Variants in KLF13 observed in about 807,000 individuals in gnomAD.
The protein encoded by KLF13 is Krueppel-like factor 13.
A neutral mutation model predicts 16.7 loss-of-function variants in KLF13; 8 were observed. The ratio of observed to expected loss-of-function variants is 0.48; its 90% confidence interval spans 0.28 to 0.87. The LOEUF (loss-of-function observed/expected upper bound fraction) is 0.87. Among genes scored for constraint, KLF13 ranks in the 40% least tolerant of loss-of-function variants. KLF13 has a pLI of 0.10. For missense variants in KLF13, 447 were observed against 452.2 expected (o/e 0.99, Z 0.10); for synonymous variants, 245 against 208.4 (o/e 1.18, Z -1.51).
At chr15:31,392,548 G>A (rs1393916685), upstream of KLF13, among the ~76,000 whole-genome samples, 4 of 152,208 alleles carry the variant, frequency 2.6e-5, no homozygotes, top group Non-Finnish European at 5.9e-5. Flanking sequence ...CTACGCGCGC[G>A]ACTGTCCCGC....
chr15:31,327,127 C>T lies in KLF13; in HGVS notation c.-86C>T. ...GGAGAGGGCGCGCCGCGCCCCCGCC[C>T]CCCGCCCGCTCTCCCGAGGCCGTGG... On this transcript the variant is annotated 5_prime_UTR_variant, in exon 1 of 2. Coordinates refer to ENST00000307145, the MANE Select transcript of KLF13 (RefSeq NM_015995.4). 2 of 1,151,600 alleles carry T rather than the reference C, an allele frequency of 1.7e-6. No individual in the cohort carries two copies. The highest frequency in any genetic ancestry group is 2.2e-6 in the Non-Finnish European group (2 of 926,328). 71.3% of individuals were successfully genotyped at this position (1,151,600 alleles called of 1,614,324 possible).
chr15:31,368,633 C>G (rs1413885343), intron 1 of KLF13, among the ~76,000 whole-genome samples: 1 of 152,124 alleles, frequency 6.6e-6, no homozygotes, highest in Non-Finnish European at 1.5e-5. Context: ...GAAGACAGAT[C>G]ACTTGAGGTC....
chr15:31,420,396 C>T, intron 1 of KLF13: 2 of 1,141,506 alleles, frequency 1.8e-6, no homozygotes, highest in Non-Finnish European at 2.6e-6. Context: ...AGTGGCTACC[C>T]TTACAATGAG....
At chr15:31,332,936 G>A (rs1011400766) in intron 1 of KLF13, among the ~76,000 whole-genome samples, 1 of 152,184 alleles carries the variant, frequency 6.6e-6, no homozygotes, top group Non-Finnish European at 1.5e-5. Flanking sequence ...AATCCCTGAG[G>A]TCTGCATGAG....
intron 1 of KLF13, among the ~76,000 whole-genome samples, chr15:31,337,999 G>T (rs1015603730): frequency 6.6e-6 from 1 of 151,668 alleles, no homozygotes; most frequent in African/African-American, 2.4e-5. Flanking sequence ...TGCTGTGTTG[G>T]CGAGCAGGTA....
chr15:31,410,047 A>G (rs954053768), intron 1 of KLF13, among the ~76,000 whole-genome samples: 1 of 152,194 alleles, frequency 6.6e-6, no homozygotes, highest in African/African-American at 2.4e-5. Context: ...CTATAAGATC[A>G]GTGTATCATG....
At chr15:31,398,815 T>C (rs2039992020) in intron 2 of KLF13, among the ~76,000 whole-genome samples, 1 of 152,126 alleles carries the variant, frequency 6.6e-6, no homozygotes, top group Admixed American at 6.5e-5. Flanking sequence ...TAGGACTCTG[T>C]GGGTGGGAAG....
At chr15:31,330,086 C>G (rs1356407810) in intron 1 of KLF13, among the ~76,000 whole-genome samples, 1 of 152,160 alleles carries the variant, frequency 6.6e-6, no homozygotes, top group Non-Finnish European at 1.5e-5. Context: ...GTGTGCAGAG[C>G]ATAAGTAACT....
At chr15:31,336,152 G>A (rs1257843869) in intron 1 of KLF13, among the ~76,000 whole-genome samples, 1 of 152,248 alleles carries the variant, frequency 6.6e-6, no homozygotes, top group African/African-American at 2.4e-5. Context: ...AGTGGTCAGG[G>A]CCCTGGGTGG....
rs8039782 is a variant in KLF13, at chr15:31,369,346, G to A, written c.578-2664G>A. ...GTTTGCTTCCATCAGCAGGGCCTGT[G>A]CTGGGATTACATTTCCTGCCACCAC... On this transcript the variant is annotated intron_variant, in intron 1 of 1. Transcript: ENST00000307145. Among the ~76,000 whole-genome samples the A allele has an allele frequency of 5.1e-3, 779 of 152,298 alleles. 8 individuals carry two copies. The highest frequency in any genetic ancestry group is 0.018 in the African/African-American group (728 of 41,552).
intron 2 of KLF13, among the ~76,000 whole-genome samples, chr15:31,395,006 G>C (rs2039935434): frequency 6.6e-6 from 1 of 152,118 alleles, no homozygotes; most frequent in Non-Finnish European, 1.5e-5. Flanking sequence ...TTTAGAGGGA[G>C]TCTCCCTCTG....
At chr15:31,410,024 G>A (rs551060415) in intron 1 of KLF13, among the ~76,000 whole-genome samples, 5 of 152,086 alleles carry the variant, frequency 3.3e-5, no homozygotes, top group East Asian at 3.9e-4. Context: ...AAAAGACAAC[G>A]GTCTCAAGCA....
At chr15:31,354,314 G>A (rs992205998) in intron 1 of KLF13, among the ~76,000 whole-genome samples, 5 of 152,230 alleles carry the variant, frequency 3.3e-5, no homozygotes, top group African/African-American at 9.6e-5. Context: ...GAAATCCAGC[G>A]AGGAGGAATG....
chr15:31,386,608 G>A (rs1374975505), intron 1 of KLF13, among the ~76,000 whole-genome samples: 1 of 152,230 alleles, frequency 6.6e-6, no homozygotes, highest in African/African-American at 2.4e-5. Context: ...AGAAGATCTA[G>A]CCAAGATCAT....
chr15:31,423,103 ATACG>A (rs1199028802), intron 1 of KLF13, among the ~76,000 whole-genome samples: 1 of 121,492 alleles, frequency 8.2e-6, no homozygotes, highest in African/African-American at 3.5e-5. Flanking sequence ...ATATATACGT[ATACG>A]TATACGTATA....
Position 31,386,499 on chromosome 15 carries a change from T to TA in KLF13, n.224-48862dup, listed in dbSNP as rs1166023362. ...GGGCAACAAGAATGAAACTCCATCT[T>TA]AAAAAAAAAGAAAAGAAAAAAGAAA... On this transcript the variant is annotated intron_variant and non_coding_transcript_variant, in intron 1 of 1. Transcript: ENST00000558921. Among the ~76,000 whole-genome samples the TA allele has an allele frequency of 1.7e-4, 26 of 150,390 alleles. 1 individual carries two copies. Among genetic ancestry groups the TA allele is most frequent in the Admixed American group, 9.3e-4 (14 of 15,066 alleles).
chr15:31,340,127 G>A, intron 1 of KLF13: 2 of 682,368 alleles, frequency 2.9e-6, no homozygotes, highest in Admixed American at 4.1e-5. Context: ...AGGCCTGCAG[G>A]TCTATTTGGG....
chr15:31,385,773 T>G (rs1453549833), intron 1 of KLF13, among the ~76,000 whole-genome samples: 2 of 152,132 alleles, frequency 1.3e-5, no homozygotes, highest in African/African-American at 2.4e-5. Context: ...TTAGGCCAAT[T>G]AATAACCTTA....
At chr15:31,342,120 A>C (rs2039034336) in intron 1 of KLF13, among the ~76,000 whole-genome samples, 1 of 152,214 alleles carries the variant, frequency 6.6e-6, no homozygotes, top group Admixed American at 6.5e-5. Flanking sequence ...TGAAAGACTC[A>C]GTCACCAGTC....
Sources: gnomAD v4.1 joint callset for allele counts (sites outside exome capture counted in the v4.1 genomes callset) on GRCh38, gnomAD v4.1.1 for gene constraint, MANE v1.5 for transcripts, NCBI Gene and HGNC (gene_info 2026-07-23, HGNC 2026-07-21) for gene names.